The following CSMD1 variants were observed in gnomAD, a reference collection of about 807,000 sequenced individuals.
CSMD1 encodes CUB and sushi domain-containing protein 1.
CSMD1 carries 213 observed loss-of-function variants against 417.5 expected under a neutral mutation model. That is an observed-to-expected ratio of 0.51 (90% CI 0.46 to 0.57). CSMD1 has a LOEUF of 0.57. CSMD1 is among the 20% of genes least tolerant of loss of function. The pLI is 0.00. For synonymous variants in CSMD1, 2,862 were observed against 1,736.8 expected (o/e 1.65, Z -16.11); for missense variants, 6,923 against 4,529.7 (o/e 1.53, Z -15.17).
chr8:3,917,478 C>G (rs185676315), intron 5 of CSMD1, among the ~76,000 whole-genome samples: 3 of 152,042 alleles, frequency 2.0e-5, no homozygotes, highest in African/African-American at 7.2e-5. Flanking sequence ...GCTACTATGG[C>G]TGAAAGTTTT....
chr8:3,888,619 A>G (rs1172323437), intron 5 of CSMD1, among the ~76,000 whole-genome samples: 1 of 152,162 alleles, frequency 6.6e-6, no homozygotes, highest in Non-Finnish European at 1.5e-5. Context: ...GATCTTTGTC[A>G]TACAAGCAAG....
chr8:4,548,716 C>G (rs904941755), intron 2 of CSMD1, among the ~76,000 whole-genome samples: 1 of 152,088 alleles, frequency 6.6e-6, no homozygotes, highest in Non-Finnish European at 1.5e-5. Flanking sequence ...TTTAACTGAT[C>G]TCCAGTTGTC....
chr8:4,263,727 T>C (rs1032994701), intron 3 of CSMD1, among the ~76,000 whole-genome samples: 7 of 152,318 alleles, frequency 4.6e-5, no homozygotes, highest in African/African-American at 7.2e-5. Context: ...AATAATAAAA[T>C]GCTGGATTTT....
intron 3 of CSMD1, among the ~76,000 whole-genome samples, chr8:4,152,102 G>A (rs1796599211): frequency 6.6e-6 from 1 of 152,024 alleles, no homozygotes; most frequent in Admixed American, 6.6e-5. Context: ...ATTTATATGG[G>A]TAATATACAG....
intron 1 of CSMD1, among the ~76,000 whole-genome samples, chr8:4,758,225 T>C (rs972269353): frequency 1.5e-4 from 23 of 152,154 alleles, no homozygotes; most frequent in African/African-American, 5.5e-4. Flanking sequence ...CCTGTCTTTA[T>C]CTGGGTAAGG....
At chr8:4,052,148 C>G (rs147383561) in intron 3 of CSMD1, among the ~76,000 whole-genome samples, 147 of 152,146 alleles carry the variant, frequency 9.7e-4, no homozygotes, top group Non-Finnish European at 1.5e-3. Context: ...TGGTCTCGAA[C>G]TCCTGACCTG....
intron 3 of CSMD1, among the ~76,000 whole-genome samples, chr8:4,276,199 T>C (rs1463788136): frequency 5.3e-5 from 8 of 152,102 alleles, no homozygotes; most frequent in Non-Finnish European, 8.8e-5. Context: ...CTGTTCACAA[T>C]AGCAAAGACC....
chr8:3,098,699 G>A (rs1408346715), intron 46 of CSMD1, among the ~76,000 whole-genome samples: 2 of 152,070 alleles, frequency 1.3e-5, no homozygotes, highest in Admixed American at 1.3e-4. Flanking sequence ...GATATTTTAA[G>A]AAAGAAAAAA....
intron 1 of CSMD1, among the ~76,000 whole-genome samples, chr8:4,891,203 G>A (rs945094384): frequency 6.6e-6 from 1 of 152,108 alleles, no homozygotes; most frequent in Non-Finnish European, 1.5e-5. Flanking sequence ...ACATGTGACA[G>A]TCACATCTCA....
chr8:4,056,521 T>C (rs1467110860), intron 3 of CSMD1, among the ~76,000 whole-genome samples: 2 of 151,774 alleles, frequency 1.3e-5, no homozygotes, highest in African/African-American at 4.9e-5. Context: ...AAGGAAAGCA[T>C]TTAATTTCAA....
chr8:3,483,711 T>A (rs1485718442), intron 11 of CSMD1, among the ~76,000 whole-genome samples: 1 of 152,126 alleles, frequency 6.6e-6, no homozygotes, highest in East Asian at 1.9e-4. Context: ...GACCGATATC[T>A]TTTATGAATG....
At chr8:3,316,832 G>T (rs1030700498) in intron 23 of CSMD1, among the ~76,000 whole-genome samples, 3 of 152,090 alleles carry the variant, frequency 2.0e-5, no homozygotes, top group Admixed American at 2.0e-4. Flanking sequence ...ACAGGAAACT[G>T]ACACAAGTAT....
chr8:3,778,075 T>A (rs1040384056), intron 5 of CSMD1, among the ~76,000 whole-genome samples: 6 of 152,188 alleles, frequency 3.9e-5, no homozygotes, highest in African/African-American at 1.2e-4. Flanking sequence ...CAGGGGAAAC[T>A]GGAGTTTGAG....
intron 4 of CSMD1, among the ~76,000 whole-genome samples, chr8:4,009,738 G>C (rs984281432): frequency 1.3e-5 from 2 of 151,982 alleles, no homozygotes; most frequent in Non-Finnish European, 2.9e-5. Flanking sequence ...TACCTCCACA[G>C]GCGCTCACTC....
In CSMD1 at chr8:4,879,654, G is replaced by C. The variant is rs79994918; in HGVS notation, c.85+114678C>G. Among the ~76,000 whole-genome samples, 1,202 of 152,106 alleles carry C rather than the reference G, an allele frequency of 7.9e-3. 22 individuals are homozygous for C. The highest frequency in any genetic ancestry group is 0.028 in the African/African-American group (1,157 of 41,458). The stretch of plus-strand genomic sequence containing the variant: ...AAAGAGCCAGAATAGGAAAGTCTGA[G>C]ATAAACTGGCCCATAGAAAGCAGGA... On this transcript the variant is annotated intron_variant, in intron 1 of 69. Coordinates refer to ENST00000635120, the MANE Select transcript of CSMD1 (RefSeq NM_033225.6).
chr8:4,889,571 A>G (rs543493299), intron 1 of CSMD1, among the ~76,000 whole-genome samples: 90 of 152,256 alleles, frequency 5.9e-4, no homozygotes, highest in Middle Eastern at 3.4e-3. Context: ...TAAACTGTCT[A>G]TAAGTGTGAA....
intron 7 of CSMD1, among the ~76,000 whole-genome samples, chr8:3,677,221 A>G (rs191364586): frequency 6.6e-6 from 1 of 152,270 alleles, no homozygotes; most frequent in East Asian, 1.9e-4. Flanking sequence ...CACAAGGAAA[A>G]CACCGCTTAA....
intron 50 of CSMD1, among the ~76,000 whole-genome samples, chr8:3,044,053 C>T (rs1811281260): frequency 6.6e-6 from 1 of 152,184 alleles, no homozygotes; most frequent in Admixed American, 6.5e-5. Flanking sequence ...GTTTATTTCT[C>T]TGGTGTACCA....
intron 1 of CSMD1, among the ~76,000 whole-genome samples, chr8:4,776,683 G>C (rs1796870056): frequency 6.6e-6 from 1 of 152,142 alleles, no homozygotes; most frequent in South Asian, 2.1e-4. Flanking sequence ...TTACCACAGG[G>C]AGACAACCAG....
Sources: allele counts gnomAD v4.1 joint callset (sites outside exome capture counted in the v4.1 genomes callset), GRCh38; gene constraint gnomAD v4.1.1; transcripts MANE v1.5; gene names NCBI Gene and HGNC (gene_info 2026-07-23, HGNC 2026-07-21).